The following SELENOS variants were observed in gnomAD, a reference collection of about 807,000 sequenced individuals.
The protein encoded by SELENOS is selenoprotein S.
A neutral mutation model predicts 30.2 loss-of-function variants in SELENOS; 37 were observed. The ratio of observed to expected loss-of-function variants is 1.23; its 90% confidence interval spans 0.94 to 1.61. SELENOS has a LOEUF of 1.61. Among genes scored for constraint, SELENOS ranks in the 40% most tolerant of loss-of-function variants. SELENOS has a pLI of 0.00. For missense variants in SELENOS, 289 were observed against 231.8 expected (o/e 1.25, Z -1.60); for synonymous variants, 119 against 91.6 (o/e 1.30, Z -1.71).
intron 3 of SELENOS, 176 bp from the exon 4 acceptor site, chr15:101,274,857 G>A: frequency 1.4e-6 from 1 of 717,630 alleles, no homozygotes; most frequent in South Asian, 1.9e-5. Context: ...ACATAGAGCA[G>A]CTTTGGTTTT....
chr15:101,270,926 G>A (rs570527692), downstream of SELENOS: 1 of 152,156 alleles, frequency 6.6e-6, no homozygotes, highest in Non-Finnish European at 1.5e-5. Context: ...GGTGCTAGAT[G>A]CAAGGGGGGC....
chr15:101,274,221 A>G (rs1404362580), intron 5 of SELENOS, 199 bp downstream of exon 5: 7 of 645,070 alleles, frequency 1.1e-5, no homozygotes, highest in Non-Finnish European at 1.9e-5. Flanking sequence ...TCAAGTTAGA[A>G]TACTATAAGT....
chr15:101,276,856 C>T, intron 1 of SELENOS, 181 bp from the exon 2 acceptor site: 1 of 689,122 alleles, frequency 1.5e-6, no homozygotes. Context: ...ATTCAGGGAT[C>T]ACTGAGAAGT....
intron 2 of SELENOS, among the ~76,000 whole-genome samples, chr15:101,276,150 T>A (rs2039324091): frequency 2.0e-5 from 3 of 151,606 alleles, no homozygotes; most frequent in Non-Finnish European, 1.5e-5. Flanking sequence ...CTCGAACCCC[T>A]GACCTCAAGT....
At chr15:101,271,482 C>G (rs141344105), downstream of SELENOS, 1 of 152,368 alleles carries the variant, frequency 6.6e-6, no homozygotes, top group Non-Finnish European at 1.5e-5. Context: ...TCTCTAGACT[C>G]AAAGACTTAA....
chr15:101,276,412 C>CT, intron 2 of SELENOS, 129 bp downstream of exon 2: 1 of 1,165,312 alleles, frequency 8.6e-7, no homozygotes, highest in Non-Finnish European at 1.2e-6. Context: ...CCACTCCCGG[C>CT]TATTTTTTTT....
Position 101,277,443 on chromosome 15 carries a change from C to G in SELENOS, c.-26G>C, listed in dbSNP as rs2039345164. On this transcript the variant is annotated 5_prime_UTR_variant, in exon 1 of 6. Transcript: ENST00000526049. ...GACCGCCGCCGCCGCCGCCGCCCAG[C>G]CCTGCCGCCGCGCCTCCAGCCGGGC... The G allele has an allele frequency of 1.4e-6, 2 of 1,431,036 alleles. No homozygotes were observed. Among genetic ancestry groups the G allele is most frequent in the Non-Finnish European group, 1.8e-6 (2 of 1,100,694 alleles). 88.6% of individuals were successfully genotyped at this position (1,431,036 alleles called of 1,614,324 possible).
chr15:101,276,766 C>T (rs998761773), intron 1 of SELENOS, 91 bp from the exon 2 acceptor site: 6 of 1,465,636 alleles, frequency 4.1e-6, no homozygotes, highest in South Asian at 2.7e-5. Flanking sequence ...GTAACTCCTG[C>T]CCTCAAAGCC....
At position 101,272,762 on chromosome 15, in the gene SELENOS, A is replaced by T. The variant is rs1487703682; in HGVS notation, c.*9T>A. ...CTTGCTAATGTCAAAAGTGACACTA[A>T]CAAGATTCTTAGCCTCATCCGCCAG... On this transcript the variant is annotated 3_prime_UTR_variant, in exon 6 of 6. Transcript: ENST00000526049. 3.1e-6 allele frequency: 5 copies of T among 1,602,706 alleles called. No individual in the cohort carries two copies. The highest frequency in any genetic ancestry group is 1.1e-5 in the South Asian group (1 of 88,580).
rs202101903 is a variant in SELENOS, at chr15:101,275,919, A to G, written c.212-558T>C. Among the ~76,000 whole-genome samples, 135 of 115,384 alleles carry G rather than the reference A, an allele frequency of 1.2e-3. 1 individual carries two copies. Among genetic ancestry groups the G allele is most frequent in the East Asian group, 8.6e-3 (29 of 3,388 alleles). The allele number at this position is 115,384 out of a possible 152,430, so 75.7% of individuals were successfully genotyped here. Reference sequence around the variant, plus strand: ...AACAAGGCTAGACTCCATCTCATAGAAAAAAAAAAAAAAAAGAAAGAAAAG... The same window carrying G: ...AACAAGGCTAGACTCCATCTCATAGGAAAAAAAAAAAAAAAGAAAGAAAAG... On this transcript the variant is annotated intron_variant, in intron 2 of 5. Coordinates refer to ENST00000526049, the MANE Select transcript of SELENOS (RefSeq NM_018445.6).
intron 3 of SELENOS, 120 bp from the exon 4 acceptor site, chr15:101,274,801 C>G (rs2141297611): frequency 3.7e-6 from 4 of 1,074,796 alleles, no homozygotes; most frequent in Non-Finnish European, 5.3e-6. Context: ...CCCTCGTTTT[C>G]TTTAGTTAAT....
chr15:101,275,756 T>C (rs1596465993), intron 2 of SELENOS, among the ~76,000 whole-genome samples: 4 of 152,138 alleles, frequency 2.6e-5, no homozygotes, highest in Admixed American at 2.6e-4. Context: ...TTCTAAATCA[T>C]TATCCATCCC....
chr15:101,277,305 G>C (rs939129179), intron 1 of SELENOS, 37 bp downstream of exon 1: 1 of 1,502,742 alleles, frequency 6.7e-7, no homozygotes, highest in African/African-American at 1.4e-5. Flanking sequence ...CGTCGCAAAA[G>C]TGGCGGCGCG....
In SELENOS at chr15:101,276,631, A is replaced by C; in HGVS notation, c.121T>G (p.Cys41Gly). The C allele has an allele frequency of 6.2e-7, 1 of 1,613,756 alleles. No individual in the cohort carries two copies. Among genetic ancestry groups the C allele is most frequent in the Non-Finnish European group, 8.5e-7 (1 of 1,179,826 alleles). Residue 41 changes from cysteine (C) to glycine (G), a missense_variant, in exon 2 of 6, where the codon TGC becomes GGC. By Grantham distance (159) the Cys-to-Gly change is radical. Coordinates refer to ENST00000526049, the MANE Select transcript of SELENOS (RefSeq NM_018445.6). Reference sequence around the variant, plus strand: ...TGAAAGACCACGTAGAGAAGGATGCAGCTGAAGACGATGTACCAGCCATAG... The same window carrying C: ...TGAAAGACCACGTAGAGAAGGATGCCGCTGAAGACGATGTACCAGCCATAG... Reference protein sequence around the residue: ...ATYGWYIVFSCILLYVVFQKL... With the variant: ...ATYGWYIVFSGILLYVVFQKL...
chr15:101,274,912 T>C, intron 3 of SELENOS: 1 of 598,076 alleles, frequency 1.7e-6, no homozygotes, highest in South Asian at 2.2e-5. Context: ...AAAAGATTAC[T>C]GACTCCATTC....
intron 2 of SELENOS, among the ~76,000 whole-genome samples, chr15:101,275,764 C>T (rs1385426943): frequency 1.3e-5 from 2 of 152,014 alleles, no homozygotes; most frequent in Non-Finnish European, 2.9e-5. Flanking sequence ...CATTATCCAT[C>T]CCTTAATTAG....
rs2039330325 is a variant in SELENOS, at chr15:101,276,605, C to T, written c.147G>A (p.Gln49=). Residue 49 remains glutamine (Q), a synonymous_variant, in exon 2 of 6, where the codon CAG becomes CAA. Coordinates refer to ENST00000526049, the MANE Select transcript of SELENOS (RefSeq NM_018445.6). ...FSCILLYVVF[Q]KLSARLRALR... Reference sequence around the variant, plus strand: ...AGGCTCTTAGCCGGGCGGAAAGCTTCTGAAAGACCACGTAGAGAAGGATGC... The same window carrying T: ...AGGCTCTTAGCCGGGCGGAAAGCTTTTGAAAGACCACGTAGAGAAGGATGC... The T allele has an allele frequency of 1.9e-6, 3 of 1,613,712 alleles. No homozygotes were observed. Among genetic ancestry groups the T allele is most frequent in the South Asian group, 1.1e-5 (1 of 91,084 alleles).
At chr15:101,274,988 C>T in intron 3 of SELENOS, 1 of 569,788 alleles carries the variant, frequency 1.8e-6, no homozygotes, top group Non-Finnish European at 3.1e-6. Context: ...TGCACACACA[C>T]ACTCACATGC....
chr15:101,277,320 C>T, intron 1 of SELENOS, 22 bp downstream of exon 1: 17 of 1,506,014 alleles, frequency 1.1e-5, no homozygotes, highest in Non-Finnish European at 1.4e-5. Flanking sequence ...GGCGCGCGCC[C>T]GGCTGCCCCG....
Sources: allele counts gnomAD v4.1 joint callset (sites outside exome capture counted in the v4.1 genomes callset), GRCh38; gene constraint gnomAD v4.1.1; transcripts MANE v1.5; gene names NCBI Gene and HGNC (gene_info 2026-07-23, HGNC 2026-07-21).